GNAO1: variants seen among roughly 807,000 people sequenced by gnomAD.
The protein encoded by GNAO1 is G protein subunit alpha o1.
For synonymous variants in GNAO1, 164 were observed against 180.7 expected (o/e 0.91, Z 0.74); for missense variants, 166 against 478.7 (o/e 0.35, Z 6.10).
At position 56,275,905 on chromosome 16, in the gene GNAO1, G is replaced by T. The variant is rs773323392; in HGVS notation, c.162-26G>T. Reference sequence around the variant, plus strand: ...TTGATGAGGACAATGCTCTCATCAGGTGTGGTGTGTGTGGTTTTTCTCTAG... The same window carrying T: ...TTGATGAGGACAATGCTCTCATCAGTTGTGGTGTGTGTGGTTTTTCTCTAG... On this transcript the variant is annotated intron_variant, in intron 2 of 8. Transcript: ENST00000262493. 8.7e-6 allele frequency: 14 copies of T among 1,603,658 alleles called. No homozygotes were observed. In the South Asian group the frequency reaches 1.3e-4, roughly 15 times the overall value.
At chr16:56,224,155 C>T (rs75059631) in intron 2 of GNAO1, among the ~76,000 whole-genome samples, 2,161 of 152,324 alleles carry the variant, frequency 0.014, 17 homozygotes, top group Non-Finnish European at 0.023. Context: ...ATTCATTTCC[C>T]TGGAGGTCTC....
At chr16:56,339,990 G>A (rs147759599) in intron 6 of GNAO1, among the ~76,000 whole-genome samples, 1 of 152,282 alleles carries the variant, frequency 6.6e-6, no homozygotes, top group East Asian at 1.9e-4. Flanking sequence ...CACCCATCCT[G>A]CATCTCTTGC....
At chr16:56,204,100 T>G (rs1168262343) in intron 2 of GNAO1, among the ~76,000 whole-genome samples, 7 of 152,122 alleles carry the variant, frequency 4.6e-5, no homozygotes, top group Admixed American at 4.6e-4. Context: ...AGATGACCCC[T>G]GGTGTCTAGT....
chr16:56,325,324 A>C (rs2037620395), intron 3 of GNAO1, among the ~76,000 whole-genome samples: 1 of 152,162 alleles, frequency 6.6e-6, no homozygotes, highest in African/African-American at 2.4e-5. Flanking sequence ...TAAAAGTACA[A>C]AATTAGCCGG....
At position 56,263,285 on chromosome 16, in the gene GNAO1, C is replaced by T. The variant is rs572802188; in HGVS notation, c.162-12646C>T. On this transcript the variant is annotated intron_variant, in intron 2 of 8. Transcript: ENST00000262493. Reference sequence around the variant, plus strand: ...AGAAAGGAGTTATATGTGGAGCCCTCATTTTAGAGCCAGAGGTCCCAAGCA... The same window carrying T: ...AGAAAGGAGTTATATGTGGAGCCCTTATTTTAGAGCCAGAGGTCCCAAGCA... Among the ~76,000 whole-genome samples the T allele has an allele frequency of 3.9e-5, 6 of 152,304 alleles. No individual in the cohort carries two copies. The East Asian group carries it at 9.6e-4, about 24-fold the overall frequency.
intron 2 of GNAO1, among the ~76,000 whole-genome samples, chr16:56,247,188 C>A (rs907612966): frequency 1.3e-5 from 2 of 152,214 alleles, no homozygotes; most frequent in African/African-American, 4.8e-5. Context: ...GGGCTGGCGC[C>A]GGCCATCCAG....
At chr16:56,287,093 G>A (rs1185956036) in intron 3 of GNAO1, among the ~76,000 whole-genome samples, 1 of 152,234 alleles carries the variant, frequency 6.6e-6, no homozygotes, top group Non-Finnish European at 1.5e-5. Flanking sequence ...TGAGGTCCCA[G>A]GTGGCAGGAC....
chr16:56,328,841 G>T (rs764130212), intron 4 of GNAO1, 50 bp downstream of exon 4: 18 of 1,582,242 alleles, frequency 1.1e-5, no homozygotes, highest in Non-Finnish European at 1.6e-5. Flanking sequence ...TGATGCGGGA[G>T]TGGAAGGGAC....
intron 2 of GNAO1, among the ~76,000 whole-genome samples, chr16:56,246,166 A>G (rs116213958): frequency 0.013 from 2,043 of 152,256 alleles, 58 homozygotes; most frequent in African/African-American, 0.047. Flanking sequence ...GTTTCCCATC[A>G]GTGGCTGACT....
At chr16:56,340,810 AC>A in intron 6 of GNAO1, 1 of 1,604,708 alleles carries the variant, frequency 6.2e-7, no homozygotes, top group Non-Finnish European at 8.5e-7. Flanking sequence ...GCCGCCCCTC[AC>A]TCACCCCTCC....
chr16:56,237,389 C>T (rs1229422125), intron 2 of GNAO1, among the ~76,000 whole-genome samples: 1 of 152,094 alleles, frequency 6.6e-6, no homozygotes, highest in Non-Finnish European at 1.5e-5. Flanking sequence ...GGGAGACAGA[C>T]ATTTAATGAG....
intron 2 of GNAO1, among the ~76,000 whole-genome samples, chr16:56,232,688 A>C (rs1307166040): frequency 6.6e-6 from 1 of 152,196 alleles, no homozygotes; most frequent in Non-Finnish European, 1.5e-5. Context: ...AGTACTCAGC[A>C]CTTACTTTTC....
rs2037967006 is a variant in GNAO1, at chr16:56,356,282, T to C, written c.*208T>C. The C allele has an allele frequency of 4.6e-5, 7 of 152,614 alleles. No homozygotes were observed. The highest frequency in any genetic ancestry group is 4.6e-4 in the Admixed American group (7 of 15,280). 9.5% of individuals were successfully genotyped at this position (152,614 alleles called of 1,614,324 possible). On this transcript the variant is annotated 3_prime_UTR_variant, in exon 9 of 9. Coordinates refer to ENST00000262493, the MANE Select transcript of GNAO1 (RefSeq NM_020988.3). ...TCCGGTTTTAGTTGAGTCTTCACAT[T>C]TAGAATTTGAAAGGAAAAACAGAAC... is the stretch of plus-strand genomic sequence containing the variant.
At chr16:56,219,374 A>G (rs2036463945) in intron 2 of GNAO1, among the ~76,000 whole-genome samples, 1 of 152,144 alleles carries the variant, frequency 6.6e-6, no homozygotes, top group African/African-American at 2.4e-5. Flanking sequence ...CTGTGTGGCA[A>G]GAAAGCCTGT....
rs551819317 is a variant in GNAO1 at position 56,261,155 on chromosome 16, T to A, written c.162-14776T>A. 3.0e-4 allele frequency among the ~76,000 whole-genome samples: 46 copies of A among 152,330 alleles called. 1 individual carries two copies. In the Middle Eastern group the frequency reaches 0.01, roughly 34 times the overall value. ...GAGAGGAATGTGCATTCAGACTTGCTTTTGGCAGACTTTACCATAAGCAGT... is the reference window on the plus strand; with the variant it reads ...GAGAGGAATGTGCATTCAGACTTGCATTTGGCAGACTTTACCATAAGCAGT... On this transcript the variant is annotated intron_variant, in intron 2 of 8. Transcript: ENST00000262493.
chr16:56,219,739 G>A (rs2036467104), intron 2 of GNAO1, among the ~76,000 whole-genome samples: 1 of 152,024 alleles, frequency 6.6e-6, no homozygotes, highest in East Asian at 1.9e-4. Flanking sequence ...CTCCTTCATG[G>A]CTCTGACCTC....
intron 3 of GNAO1, among the ~76,000 whole-genome samples, chr16:56,278,567 TG>T (rs1265004359): frequency 5.9e-5 from 9 of 152,092 alleles, no homozygotes; most frequent in Non-Finnish European, 1.3e-4. Context: ...CCTGCTGGTG[TG>T]GGGGCAGCTC....
At chr16:56,192,858 G>C (rs1295588614) in intron 2 of GNAO1, 7 of 544,474 alleles carry the variant, frequency 1.3e-5, no homozygotes, top group Non-Finnish European at 2.3e-5. Flanking sequence ...GCCTGTAGTT[G>C]TATGAATGAC....
chr16:56,194,537 G>A (rs1253495598), intron 2 of GNAO1: 2 of 295,936 alleles, frequency 6.8e-6, no homozygotes, highest in African/African-American at 2.2e-5. Flanking sequence ...GTTCGGCGAC[G>A]CTCGGCTAGG....
Sources: gnomAD v4.1 joint callset for allele counts (sites outside exome capture counted in the v4.1 genomes callset) on GRCh38, gnomAD v4.1.1 for gene constraint, MANE v1.5 for transcripts, NCBI Gene and HGNC (gene_info 2026-07-23, HGNC 2026-07-21) for gene names.